Variants in TNRC18 observed in about 807,000 individuals in gnomAD.
The protein encoded by TNRC18 is trinucleotide repeat-containing gene 18 protein.
In TNRC18, 69 loss-of-function variants were observed where a neutral mutation model predicts 226.7. That is an observed-to-expected ratio of 0.30 (90% CI 0.25 to 0.37). The LOEUF (loss-of-function observed/expected upper bound fraction) is 0.37. Ranked by LOEUF, TNRC18 falls within the 10% of genes least tolerant of loss-of-function variation. The pLI is 1.00. For missense variants in TNRC18, 4,754 were observed against 4,256.6 expected (o/e 1.12, Z -3.25); for synonymous variants, 2,449 against 1,927.6 (o/e 1.27, Z -7.09).
intron 3 of TNRC18, among the ~76,000 whole-genome samples, chr7:5,393,687 A>G (rs1780461597): frequency 6.6e-6 from 1 of 152,190 alleles, no homozygotes; most frequent in African/African-American, 2.4e-5. Flanking sequence ...AAAGCCAGAG[A>G]AGACAGAGGA....
At chr7:5,327,900 C>A (rs1198570077) in intron 19 of TNRC18, among the ~76,000 whole-genome samples, 1 of 152,168 alleles carries the variant, frequency 6.6e-6, no homozygotes, top group Non-Finnish European at 1.5e-5. Flanking sequence ...AGGAGACAGG[C>A]AGGCAGTGGG....
chr7:5,351,502 G>A (rs1791809408), intron 17 of TNRC18, among the ~76,000 whole-genome samples: 1 of 150,684 alleles, frequency 6.6e-6, no homozygotes, highest in Admixed American at 6.6e-5. Flanking sequence ...GAACTCGGGG[G>A]AGGGGGAGGA....
At chr7:5,401,418 A>G (rs559385634) in intron 2 of TNRC18, among the ~76,000 whole-genome samples, 53 of 152,034 alleles carry the variant, frequency 3.5e-4, no homozygotes, top group African/African-American at 1.3e-3. Flanking sequence ...GCCTGTCTAT[A>G]CCCTAACTCC....
At position 5,332,799 on chromosome 7, in the gene TNRC18, G is replaced by A. The variant is rs1407808878; in HGVS notation, c.5970C>T (p.Asp1990=). 2.0e-6 allele frequency: 3 copies of A among 1,512,080 alleles called. No homozygotes were observed. The highest frequency in any genetic ancestry group is 2.4e-5 in the South Asian group (2 of 81,784). 93.7% of individuals were successfully genotyped at this position (1,512,080 alleles called of 1,614,324 possible). The change falls in exon 19 of 30, where the codon GAC becomes GAT. Residue 1990 remains aspartate (D), a synonymous_variant. Coordinates refer to ENST00000430969, the MANE Select transcript of TNRC18 (RefSeq NM_001080495.3). ...TGCGGCGCCGCGTCCACAGGTCGTC[G>A]TCGCTGGCCTCGGGCCCCGCCTCGA... The part of the protein sequence containing the change: ...PGFEAGPEAS[D]DDLWTRRRSE...
Position 5,308,099 on chromosome 7 carries a change from G to T in TNRC18, c.*7C>A. 6.5e-7 allele frequency: 1 copy of T among 1,546,690 alleles called. No individual in the cohort carries two copies. The highest frequency in any genetic ancestry group is 8.7e-7 in the Non-Finnish European group (1 of 1,144,868). On this transcript the variant is annotated 3_prime_UTR_variant, in exon 30 of 30. Coordinates refer to ENST00000430969, the MANE Select transcript of TNRC18 (RefSeq NM_001080495.3). ...GGGGCACAGGTGGCCCGCAGGGCCC[G>T]GCGGGCTCAGCAGAGCACGGGCACG... is the stretch of plus-strand genomic sequence containing the variant.
chr7:5,361,517 G>C, intron 14 of TNRC18, 77 bp downstream of exon 14: 1 of 1,412,094 alleles, frequency 7.1e-7, no homozygotes, highest in Non-Finnish European at 9.2e-7. Flanking sequence ...GCACCCCGAG[G>C]CAGGCCCTGC....
At chr7:5,363,052 G>C (rs753847804) in intron 11 of TNRC18, among the ~76,000 whole-genome samples, 3 of 152,188 alleles carry the variant, frequency 2.0e-5, no homozygotes, top group Non-Finnish European at 4.4e-5. Context: ...CCAGCACTTT[G>C]GGTGGCTGAG....
chr7:5,385,590 C>T (rs533453881), intron 5 of TNRC18, among the ~76,000 whole-genome samples: 42 of 149,994 alleles, frequency 2.8e-4, no homozygotes, highest in African/African-American at 8.3e-4. Flanking sequence ...AGGCTGAGGC[C>T]GGAGAATCAC....
At chr7:5,378,804 A>T (rs867320762) in intron 5 of TNRC18, among the ~76,000 whole-genome samples, 4 of 152,120 alleles carry the variant, frequency 2.6e-5, no homozygotes, top group Non-Finnish European at 5.9e-5. Flanking sequence ...GAAAAAAAAC[A>T]CAACCCAAAA....
At chr7:5,325,416 G>A in intron 19 of TNRC18, 168 bp from the exon 20 acceptor site, 1 of 746,056 alleles carries the variant, frequency 1.3e-6, no homozygotes, top group South Asian at 2.0e-5. Context: ...TTTTGGTTTT[G>A]GGTTTTTTTT....
chr7:5,361,635 C>A lies in TNRC18; in HGVS notation c.4620G>T (p.Ser1540=), dbSNP rs555146367. 1 of 1,547,666 alleles carries A rather than the reference C, an allele frequency of 6.5e-7. No individual in the cohort carries two copies. ...RKRTHAPSAL[S]PPRKRGKSGH... ...CGCTCTTCCCTCTCTTGCGGGGGGGCGACAGGGCGCTCGGGGCGTGGGTCC... is the reference window on the plus strand; with the variant it reads ...CGCTCTTCCCTCTCTTGCGGGGGGGAGACAGGGCGCTCGGGGCGTGGGTCC... The change falls in exon 14 of 30, where the codon TCG becomes TCT. Residue 1540 remains serine, a synonymous_variant. Transcript: ENST00000430969.
rs991430076 is a variant in TNRC18, at chr7:5,423,324, A to T, written c.-244+117T>A. ...CCGATTCTGCAATCCGGAGCCAGACAGTAGCGGGGATCCCCCCCCGCGCAC... is the reference window on the plus strand; with the variant it reads ...CCGATTCTGCAATCCGGAGCCAGACTGTAGCGGGGATCCCCCCCCGCGCAC... On this transcript the variant is annotated intron_variant, in intron 1 of 29. Coordinates refer to ENST00000430969, the MANE Select transcript of TNRC18 (RefSeq NM_001080495.3). 5.3e-5 allele frequency: 8 copies of T among 150,812 alleles called. No individual in the cohort carries two copies. The East Asian group carries it at 1.6e-3, about 30-fold the overall frequency. 9.3% of individuals were successfully genotyped at this position (150,812 alleles called of 1,614,324 possible).
At chr7:5,336,206 TAA>T (rs1194733009) in intron 18 of TNRC18, among the ~76,000 whole-genome samples, 22 of 120,198 alleles carry the variant, frequency 1.8e-4, no homozygotes, top group Non-Finnish European at 2.7e-4. Context: ...GACTCTGTTT[TAA>T]AAAAAAAAAA....
At chr7:5,330,133 T>C (rs1402123025) in intron 19 of TNRC18, among the ~76,000 whole-genome samples, 1 of 152,166 alleles carries the variant, frequency 6.6e-6, no homozygotes, top group East Asian at 1.9e-4. Context: ...AGTTTCACCA[T>C]GTTGACCAGG....
intron 2 of TNRC18, among the ~76,000 whole-genome samples, chr7:5,416,035 C>A (rs528525295): frequency 8.3e-4 from 125 of 150,998 alleles, no homozygotes; most frequent in Middle Eastern, 3.5e-3. Flanking sequence ...TTGCTTGAAC[C>A]CAGGAGGTGG....
At chr7:5,359,145 G>T (rs956568088) in intron 15 of TNRC18, among the ~76,000 whole-genome samples, 1 of 152,202 alleles carries the variant, frequency 6.6e-6, no homozygotes, top group African/African-American at 2.4e-5. Context: ...GCAGCACACA[G>T]AGGGAGATAG....
In TNRC18 at chr7:5,333,026, A is replaced by T. The variant is rs1261704915; in HGVS notation, c.5743T>A (p.Ser1915Thr). The part of the protein sequence containing the change: ...LLGTEFEYTD[S>T]ESEVKVRKRS... ...TTGCGCACCTTGACCTCGCTCTCTG[A>T]GTCGGTGTACTCGAACTCTGTGCCT... is the stretch of plus-strand genomic sequence containing the variant. The change falls in exon 19 of 30, where the codon TCA becomes ACA. Residue 1915 changes from serine (S) to threonine (T), a missense_variant. Ser to Thr is a moderately conservative substitution (Grantham distance 58, BLOSUM62 1). Transcript: ENST00000430969. The T allele has an allele frequency of 6.3e-7, 1 of 1,578,490 alleles. No individual in the cohort carries two copies. Among genetic ancestry groups the T allele is most frequent in the Non-Finnish European group, 8.5e-7 (1 of 1,170,486 alleles).
intron 16 of TNRC18, among the ~76,000 whole-genome samples, chr7:5,354,369 A>T (rs138555207): frequency 8.5e-4 from 129 of 152,180 alleles, no homozygotes; most frequent in African/African-American, 3.0e-3. Context: ...AAAGTGGGGA[A>T]TTCTTTCAGC....
At chr7:5,348,875 A>G (rs1054270957) in intron 17 of TNRC18, among the ~76,000 whole-genome samples, 1 of 150,010 alleles carries the variant, frequency 6.7e-6, no homozygotes, top group Non-Finnish European at 1.5e-5. Context: ...AAAGCAGGCT[A>G]AGTGTAGGCA....
Sources: gnomAD v4.1 joint callset for allele counts (sites outside exome capture counted in the v4.1 genomes callset) on GRCh38, gnomAD v4.1.1 for gene constraint, MANE v1.5 for transcripts, NCBI Gene and HGNC (gene_info 2026-07-23, HGNC 2026-07-21) for gene names.